The following APP variants were observed in gnomAD, a reference collection of about 807,000 sequenced individuals.
APP encodes amyloid beta precursor protein.
Under a neutral mutation model 101.4 loss-of-function variants are expected in APP, and 31 were observed. That is an observed-to-expected ratio of 0.31 (90% CI 0.23 to 0.41). APP has a LOEUF of 0.41. Ranked by LOEUF, APP falls within the 10% of genes least tolerant of loss-of-function variation. APP has a pLI of 1.00. For missense variants in APP, 839 were observed against 1,003.7 expected (o/e 0.84, Z 2.22); for synonymous variants, 366 against 364.4 (o/e 1.00, Z -0.05).
At chr21:25,901,282 G>A (rs1417914955) in intron 15 of APP, among the ~76,000 whole-genome samples, 9 of 97,510 alleles carry the variant, frequency 9.2e-5, no homozygotes, top group Non-Finnish European at 1.5e-4. Context: ...TGGAAACAGA[G>A]ACAAATCCTG....
At chr21:25,931,267 A>C (rs1407576906) in intron 13 of APP, among the ~76,000 whole-genome samples, 1 of 152,198 alleles carries the variant, frequency 6.6e-6, no homozygotes, top group Non-Finnish European at 1.5e-5. Context: ...GAAAGAGATC[A>C]TTGTCCTAGC....
chr21:25,897,698 T>C (rs368214293), intron 15 of APP, 25 bp from the exon 16 acceptor site: 3 of 1,573,828 alleles, frequency 1.9e-6, no homozygotes, highest in East Asian at 2.2e-5. Flanking sequence ...AATTAAAGTA[T>C]GCAGGACAAC....
chr21:25,934,804 T>C (rs998106956), intron 13 of APP: 2 of 152,226 alleles, frequency 1.3e-5, no homozygotes, highest in African/African-American at 4.8e-5. Flanking sequence ...ACGAGCTCTA[T>C]GATAATAGTC....
At chr21:26,162,909 C>CAA (rs111971646) in intron 1 of APP, among the ~76,000 whole-genome samples, 34 of 138,298 alleles carry the variant, frequency 2.5e-4, no homozygotes, top group African/African-American at 6.8e-4. Flanking sequence ...AAGCATCAGG[C>CAA]AAAAAAAAAA....
chr21:25,894,314 AAAATATATTTC>A (rs2037889835), intron 16 of APP, among the ~76,000 whole-genome samples: 1 of 152,212 alleles, frequency 6.6e-6, no homozygotes, highest in Admixed American at 6.5e-5. Context: ...TTATTATTTC[AAAATATATTTC>A]AAATATATTT....
At chr21:26,089,641 T>C in intron 3 of APP, 1 of 245,600 alleles carries the variant, frequency 4.1e-6, no homozygotes, top group South Asian at 6.4e-5. Flanking sequence ...TACGGTAAAA[T>C]AAGAATTCCC....
chr21:26,058,143 C>G (rs1043307775), intron 3 of APP, among the ~76,000 whole-genome samples: 1 of 152,178 alleles, frequency 6.6e-6, no homozygotes, highest in Non-Finnish European at 1.5e-5. Flanking sequence ...TTGGTTTTAT[C>G]CTCGTGTTTT....
chr21:26,101,415 G>C (rs1399939701), intron 2 of APP, among the ~76,000 whole-genome samples: 4 of 152,046 alleles, frequency 2.6e-5, no homozygotes, highest in African/African-American at 7.2e-5. Context: ...CTCTTTAAAA[G>C]AGGAAGAATA....
intron 11 of APP, among the ~76,000 whole-genome samples, chr21:25,971,392 A>T (rs1011188168): frequency 1.3e-5 from 2 of 152,230 alleles, no homozygotes; most frequent in African/African-American, 4.8e-5. Flanking sequence ...AAGGACACTG[A>T]TTCCTGAAAA....
intron 3 of APP, among the ~76,000 whole-genome samples, chr21:26,080,392 ATTTTTTAAGTTT>A (rs560916097): frequency 3.9e-5 from 6 of 152,158 alleles, no homozygotes; most frequent in African/African-American, 1.2e-4. Context: ...GATTCTGCTC[ATTTTTTAAGTTT>A]TTTTTTAAGT....
chr21:26,021,802 C>T (rs1568867878), intron 6 of APP, 38 bp downstream of exon 6: 2 of 1,607,742 alleles, frequency 1.2e-6, no homozygotes, highest in Non-Finnish European at 1.7e-6. Context: ...CTTTCTTTTC[C>T]TTGGGGGTGG....
intron 3 of APP, among the ~76,000 whole-genome samples, chr21:26,078,210 T>C (rs2061533440): frequency 6.6e-6 from 1 of 152,188 alleles, no homozygotes; most frequent in African/African-American, 2.4e-5. Flanking sequence ...TGTCCTTAAT[T>C]TCATTTCAGT....
chr21:25,953,528 A>G (rs2041185536), intron 13 of APP, among the ~76,000 whole-genome samples: 1 of 152,200 alleles, frequency 6.6e-6, no homozygotes, highest in South Asian at 2.1e-4. Context: ...GATAACCTGT[A>G]TCTATTTCCA....
intron 3 of APP, among the ~76,000 whole-genome samples, chr21:26,087,221 C>T (rs2061722821): frequency 6.6e-6 from 1 of 152,308 alleles, no homozygotes; most frequent in South Asian, 2.1e-4. Flanking sequence ...ACCTATATTC[C>T]TTAATTCTAA....
chr21:26,148,316 G>A (rs1272033427), intron 1 of APP, among the ~76,000 whole-genome samples: 1 of 152,214 alleles, frequency 6.6e-6, no homozygotes, highest in Non-Finnish European at 1.5e-5. Flanking sequence ...CCAGTGCCTG[G>A]TCACCGCTGA....
intron 15 of APP, among the ~76,000 whole-genome samples, chr21:25,902,452 A>G (rs1335027606): frequency 6.6e-6 from 1 of 151,860 alleles, no homozygotes; most frequent in Non-Finnish European, 1.5e-5. Flanking sequence ...TGTGCAGTAA[A>G]TACTGCTATT....
chr21:26,009,433 T>G (rs2409163), intron 6 of APP, among the ~76,000 whole-genome samples: 152,322 of 152,328 alleles, frequency 1, 76,158 homozygotes, highest in Middle Eastern at 1. Context: ...TTAAGACTAT[T>G]GAAATACCAG....
chr21:25,935,584 G>A (rs969087188), intron 13 of APP, among the ~76,000 whole-genome samples: 1 of 152,110 alleles, frequency 6.6e-6, no homozygotes, highest in African/African-American at 2.4e-5. Context: ...GCTCACACCT[G>A]TAATCCCAAC....
intron 3 of APP, among the ~76,000 whole-genome samples, chr21:26,086,713 T>A (rs981938046): frequency 1.3e-5 from 2 of 152,220 alleles, no homozygotes; most frequent in African/African-American, 4.8e-5. Context: ...AGAAAACATA[T>A]CACATGGAGA....
Sources: gnomAD v4.1 joint callset for allele counts (sites outside exome capture counted in the v4.1 genomes callset) on GRCh38, gnomAD v4.1.1 for gene constraint, MANE v1.5 for transcripts, NCBI Gene and HGNC (gene_info 2026-07-23, HGNC 2026-07-21) for gene names.